Variants in RAP1GAP2 observed in about 807,000 individuals in gnomAD.
RAP1GAP2 encodes the protein rap1 GTPase-activating protein 2.
In RAP1GAP2, 27 loss-of-function variants were observed where a neutral mutation model predicts 95.0. The observed-to-expected ratio is 0.28, with a 90% CI of 0.21 to 0.39. RAP1GAP2 has a LOEUF of 0.39. Ranked by LOEUF, RAP1GAP2 falls within the 10% of genes least tolerant of loss-of-function variation. RAP1GAP2 has a pLI of 1.00. For synonymous variants in RAP1GAP2, 373 were observed against 380.9 expected (o/e 0.98, Z 0.24); for missense variants, 771 against 970.0 (o/e 0.79, Z 2.72).
At chr17:2,844,213 T>G (rs11651765) in intron 2 of RAP1GAP2, among the ~76,000 whole-genome samples, 25,555 of 151,720 alleles carry the variant, frequency 0.17, 2,252 homozygotes, top group East Asian at 0.19. Flanking sequence ...GTAGAGATGG[T>G]GTTTCGCCAT....
At position 2,889,889 on chromosome 17, in the gene RAP1GAP2, A is replaced by ATTTTT. The variant is rs3039128; in HGVS notation, c.81-15384_81-15380dup. Reference sequence around the variant, plus strand: ...TATATATATATATATATATATATATATTTTTTTTTTTTTTTGTAGAGATGG... The same window carrying ATTTTT: ...TATATATATATATATATATATATATATTTTTTTTTTTTTTTTTTTTGTAGAGATGG... On this transcript the variant is annotated intron_variant, in intron 2 of 24. Transcript: ENST00000254695. 2.1e-3 allele frequency among the ~76,000 whole-genome samples: 119 copies of ATTTTT among 57,298 alleles called. 3 individuals are homozygous for ATTTTT. The highest frequency in any genetic ancestry group is 7.1e-3 in the African/African-American group (98 of 13,860). 37.6% of individuals were successfully genotyped at this position (57,298 alleles called of 152,430 possible). A position where few individuals can be genotyped will look rare whatever the true frequency, so the allele number is the denominator to read the frequency against.
In RAP1GAP2 at chr17:2,931,252, G is replaced by T. The variant is rs569190653; in HGVS notation, c.165+25884G>T. Among the ~76,000 whole-genome samples, 61 of 151,428 alleles carry T rather than the reference G, an allele frequency of 4.0e-4. 1 individual carries two copies. The South Asian group carries it at 0.013, about 32-fold the overall frequency. ...TGATAAACCTGGCTGAGGGCTAGGC[G>T]TGTATGTTTGCCATGAGTGAGTGTT... On this transcript the variant is annotated intron_variant, in intron 3 of 24. Coordinates refer to ENST00000254695, the MANE Select transcript of RAP1GAP2 (RefSeq NM_015085.5).
At chr17:2,917,372 G>C (rs1317212854) in intron 3 of RAP1GAP2, among the ~76,000 whole-genome samples, 1 of 152,062 alleles carries the variant, frequency 6.6e-6, no homozygotes, top group African/African-American at 2.4e-5. Context: ...CCGGGTTCAA[G>C]CAATTCTCCT....
intron 14 of RAP1GAP2, 142 bp downstream of exon 14, chr17:2,998,518 C>T: frequency 9.2e-7 from 1 of 1,090,578 alleles, no homozygotes; most frequent in Non-Finnish European, 1.3e-6. Context: ...GAGCTAGATT[C>T]TGGGTAGGGA....
At chr17:2,950,579 G>A (rs1429856010) in intron 3 of RAP1GAP2, among the ~76,000 whole-genome samples, 2 of 150,902 alleles carry the variant, frequency 1.3e-5, no homozygotes, top group Admixed American at 6.6e-5. Context: ...GCCTAAGAGC[G>A]CTGAAGTCAG....
rs186577897 is a variant in RAP1GAP2, at chr17:2,906,012, C to T, written c.165+644C>T. ...CCGACGCCTCGGCAGGATGGCCACACAGGCCTGAGCTGGTCCTCAGAGGAG... is the reference window on the plus strand; with the variant it reads ...CCGACGCCTCGGCAGGATGGCCACATAGGCCTGAGCTGGTCCTCAGAGGAG... On this transcript the variant is annotated intron_variant, in intron 3 of 24. Transcript: ENST00000254695. This position sits in a 1 kb window ranked among gnomAD's most constrained non-coding sequence, Gnocchi z 4.3. Among the ~76,000 whole-genome samples the T allele has an allele frequency of 6.7e-4, 102 of 152,356 alleles. 1 individual carries two copies. Among genetic ancestry groups the T allele is most frequent in the Non-Finnish European group, 1.3e-3 (86 of 68,034 alleles).
Position 2,890,738 on chromosome 17 carries a change from G to T in RAP1GAP2, c.81-14546G>T, listed in dbSNP as rs2073683103. On this transcript the variant is annotated intron_variant, in intron 2 of 24. Transcript: ENST00000254695. ...CTTGCTCTGTCACCCAGGCTGGAGT[G>T]CAGTGGCGCAATCTTGGCTCACTGC... Among the ~76,000 whole-genome samples the T allele has an allele frequency of 2.0e-5, 3 of 149,676 alleles. No homozygotes were observed. The South Asian group carries it at 6.3e-4, about 32-fold the overall frequency.
At chr17:2,952,929 C>A (rs372009666) in intron 3 of RAP1GAP2, among the ~76,000 whole-genome samples, 2 of 151,930 alleles carry the variant, frequency 1.3e-5, no homozygotes, top group Non-Finnish European at 1.5e-5. Flanking sequence ...CTCAGCCTTC[C>A]GAGTAGCTGG....
chr17:2,772,792 G>A (rs946557217), upstream of RAP1GAP2, among the ~76,000 whole-genome samples: 1 of 151,384 alleles, frequency 6.6e-6, no homozygotes, highest in South Asian at 2.1e-4. Context: ...GCCTCTCAGA[G>A]AATAAGGTTT....
At chr17:2,901,435 T>G (rs1159572254) in intron 2 of RAP1GAP2, among the ~76,000 whole-genome samples, 1 of 152,186 alleles carries the variant, frequency 6.6e-6, no homozygotes, top group African/African-American at 2.4e-5. Flanking sequence ...TGGGTCCTTG[T>G]GGGTCCCTGG....
chr17:2,856,619 C>G (rs911234787), intron 2 of RAP1GAP2, among the ~76,000 whole-genome samples: 1 of 152,092 alleles, frequency 6.6e-6, no homozygotes, highest in African/African-American at 2.4e-5. Flanking sequence ...TGAGCCTGGG[C>G]AGAACTAGTC....
At chr17:2,853,827 G>A (rs2072000498) in intron 2 of RAP1GAP2, 1 of 700,796 alleles carries the variant, frequency 1.4e-6, no homozygotes, top group Admixed American at 6.5e-5. Context: ...GGGAGGGAGG[G>A]GAGAGCGCGC....
At chr17:2,901,567 A>G (rs2042027373) in intron 2 of RAP1GAP2, among the ~76,000 whole-genome samples, 1 of 152,176 alleles carries the variant, frequency 6.6e-6, no homozygotes, top group East Asian at 1.9e-4. Flanking sequence ...TGGGTCACAA[A>G]GAAGTTGTCA....
chr17:3,010,416 A>G lies in RAP1GAP2; in HGVS notation c.1494+2271A>G, dbSNP rs573138139. ...ATAATGTTGTATTTTGTAGACATTT[A>G]ATGAAGCACTTGTTTTGAGTTTTGC... On this transcript the variant is annotated intron_variant, in intron 17 of 24. Transcript: ENST00000254695. Among the ~76,000 whole-genome samples, 300 of 151,666 alleles carry G rather than the reference A, an allele frequency of 2.0e-3. 1 individual carries two copies. The highest frequency in any genetic ancestry group is 3.4e-3 in the Non-Finnish European group (234 of 67,964).
At chr17:2,799,972 G>A (rs1259850394) in intron 1 of RAP1GAP2, among the ~76,000 whole-genome samples, 4 of 152,160 alleles carry the variant, frequency 2.6e-5, no homozygotes, top group African/African-American at 9.7e-5. Flanking sequence ...CAACCCACCA[G>A]GGTCTGCCCC....
intron 2 of RAP1GAP2, among the ~76,000 whole-genome samples, chr17:2,836,736 T>C (rs1411488722): frequency 6.6e-6 from 1 of 152,150 alleles, no homozygotes; most frequent in Non-Finnish European, 1.5e-5. Flanking sequence ...TTTGTACCTA[T>C]CTCTTGGCTC....
rs35321854 is a variant in RAP1GAP2 at position 2,950,061 on chromosome 17, C to CTTTT, written c.166-7691_166-7688dup. On this transcript the variant is annotated intron_variant, in intron 3 of 24. Coordinates refer to ENST00000254695, the MANE Select transcript of RAP1GAP2 (RefSeq NM_015085.5). ...TTCTTTTCTTCTTCTTCTTCTTCTT[C>CTTTT]TTTTTTTTTTGAGATGGAGTCTTGC... Among the ~76,000 whole-genome samples the CTTTT allele has an allele frequency of 1.2e-3, 164 of 141,236 alleles. 1 individual carries two copies. The highest frequency in any genetic ancestry group is 3.6e-3 in the Middle Eastern group (1 of 278). The allele number at this position is 141,236 out of a possible 152,430, so 92.7% of individuals were successfully genotyped here.
At chr17:2,847,143 G>A (rs1020554196) in intron 2 of RAP1GAP2, among the ~76,000 whole-genome samples, 1 of 152,182 alleles carries the variant, frequency 6.6e-6, no homozygotes, top group African/African-American at 2.4e-5. Context: ...CGAGTAGCTG[G>A]GATTACAGGC....
intron 2 of RAP1GAP2, among the ~76,000 whole-genome samples, chr17:2,889,680 ATTT>A (rs66922781): frequency 1.5e-4 from 16 of 108,520 alleles, no homozygotes; most frequent in Non-Finnish European, 2.0e-4. Flanking sequence ...TCTGCGCTGG[ATTT>A]TTTTTTTTTT....
Sources: allele counts gnomAD v4.1 joint callset (sites outside exome capture counted in the v4.1 genomes callset), GRCh38; gene constraint gnomAD v4.1.1; non-coding constraint Gnocchi (gnomAD v3.1); transcripts MANE v1.5; gene names NCBI Gene and HGNC (gene_info 2026-07-23, HGNC 2026-07-21).